The following DYNLT2 variants were observed in gnomAD, a reference collection of about 807,000 sequenced individuals.
DYNLT2 encodes the protein dynein light chain Tctex-type 2.
A neutral mutation model predicts 24.3 loss-of-function variants in DYNLT2; 24 were observed. The ratio of observed to expected loss-of-function variants is 0.99; its 90% confidence interval spans 0.71 to 1.39. The LOEUF (loss-of-function observed/expected upper bound fraction) is 1.39, where lower values mean the gene tolerates loss of function less well. DYNLT2 is among the 40% of genes most tolerant of loss of function. The pLI, the probability that DYNLT2 is intolerant of heterozygous loss-of-function variation, is 0.00. For synonymous variants in DYNLT2, 85 were observed against 85.4 expected (o/e 1.00, Z 0.03); for missense variants, 246 against 234.5 (o/e 1.05, Z -0.32).
At chr6:169,738,297 A>C (rs1170519960), downstream of DYNLT2, among the ~76,000 whole-genome samples, 3 of 152,220 alleles carry the variant, frequency 2.0e-5, no homozygotes. Context: ...CTTAGACATC[A>C]GGCAGCTGCA....
At chr6:169,739,316 G>A (rs1789626207), downstream of DYNLT2, among the ~76,000 whole-genome samples, 1 of 151,640 alleles carries the variant, frequency 6.6e-6, no homozygotes, top group South Asian at 2.1e-4. Flanking sequence ...CCATGTGCTG[G>A]GATTATAGGA....
chr6:169,740,106 T>A, downstream of DYNLT2: 1 of 922,410 alleles, frequency 1.1e-6, no homozygotes. Flanking sequence ...ATCAGAAATA[T>A]TATGAGGTTT....
the DYNLT2 span, among the ~76,000 whole-genome samples, chr6:169,730,420 G>A: frequency 6.6e-6 from 1 of 152,234 alleles, no homozygotes; most frequent in Non-Finnish European, 1.5e-5. Flanking sequence ...GGTCAAAGGG[G>A]TTACCTACGC....
chr6:169,740,332 G>T (rs1457857080), intron 3 of DYNLT2, 37 bp from the exon 4 acceptor site: 3 of 1,223,384 alleles, frequency 2.5e-6, no homozygotes, highest in South Asian at 1.2e-5. Flanking sequence ...ACTTTAGATT[G>T]AACATATTAA....
At chr6:169,742,534 T>C (rs536902694) in intron 3 of DYNLT2, among the ~76,000 whole-genome samples, 8 of 152,222 alleles carry the variant, frequency 5.3e-5, no homozygotes, top group Non-Finnish European at 1.0e-4. Flanking sequence ...ACTGTCAAAA[T>C]TGATATGATC....
the DYNLT2 span, among the ~76,000 whole-genome samples, chr6:169,730,401 T>G: frequency 2.0e-5 from 3 of 152,130 alleles, no homozygotes; most frequent in Non-Finnish European, 4.4e-5. Flanking sequence ...GAGCCAGAAT[T>G]TTTTTTAAGG....
At chr6:169,746,447 T>C (rs1246374804) in intron 1 of DYNLT2, among the ~76,000 whole-genome samples, 2 of 152,234 alleles carry the variant, frequency 1.3e-5, no homozygotes, top group Non-Finnish European at 2.9e-5. Context: ...GCTCAAAATA[T>C]TTTTTAAATT....
At position 169,751,543 on chromosome 6, in the gene DYNLT2, C is replaced by A; in HGVS notation, c.-85G>T. Reference sequence around the variant, plus strand: ...TAGCCAGTCCCGCGAGGGCGGAAGTCTCCCACCTGCGCCTCGTACGGTAGG... The same window carrying A: ...TAGCCAGTCCCGCGAGGGCGGAAGTATCCCACCTGCGCCTCGTACGGTAGG... On this transcript the variant is annotated 5_prime_UTR_variant, in exon 1 of 4. Transcript: ENST00000366774. 6 of 1,610,578 alleles carry A rather than the reference C, an allele frequency of 3.7e-6. No individual in the cohort carries two copies. Among genetic ancestry groups the A allele is most frequent in the Middle Eastern group, 1.7e-4 (1 of 6,026 alleles).
chr6:169,736,856 G>C (rs1161164383), downstream of DYNLT2, among the ~76,000 whole-genome samples: 2 of 151,152 alleles, frequency 1.3e-5, no homozygotes, highest in South Asian at 4.2e-4. Flanking sequence ...TTACATGTTG[G>C]CCTGTCTTCC....
chr6:169,736,767 C>A (rs1166801055), downstream of DYNLT2, among the ~76,000 whole-genome samples: 3 of 152,142 alleles, frequency 2.0e-5, no homozygotes, highest in Admixed American at 2.0e-4. Context: ...ATTTTAACTT[C>A]AGAGAATCTG....
In DYNLT2 at chr6:169,751,251, G is replaced by C. The variant is rs563269938; in HGVS notation, c.120+88C>G. The C allele has an allele frequency of 3.9e-6, 6 of 1,519,566 alleles. No individual in the cohort carries two copies. The East Asian group carries it at 1.2e-4, about 29-fold the overall frequency. 94.1% of individuals were successfully genotyped at this position (1,519,566 alleles called of 1,614,324 possible). ...ATGCTGCCTCCTTGGCTCTGGGGGT[G>C]GTGACGGGAGCGGGGCCCACTGGGG... On this transcript the variant is annotated intron_variant, in intron 1 of 3. Coordinates refer to ENST00000366774, the MANE Select transcript of DYNLT2 (RefSeq NM_174910.3).
chr6:169,731,224 C>G, the DYNLT2 span, among the ~76,000 whole-genome samples: 158 of 152,244 alleles, frequency 1.0e-3, no homozygotes, highest in African/African-American at 3.6e-3. Flanking sequence ...TTGCTAGGAT[C>G]TGAGATCTTT....
chr6:169,740,272 G>T lies in DYNLT2; in HGVS notation c.510C>A (p.Asp170Glu), dbSNP rs573633792. 6.2e-6 allele frequency: 10 copies of T among 1,613,712 alleles called. No homozygotes were observed. In the South Asian group the frequency reaches 1.1e-4, roughly 18 times the overall value. Reference protein sequence around the residue: ...AINIASRWIWDIAWDSWVAAK... With the variant: ...AINIASRWIWEIAWDSWVAAK... Reference sequence around the variant, plus strand: ...CTGCGACCCAGCTGTCCCATGCAATGTCCCAGATCCATCTGCTGGCAATCT... The same window carrying T: ...CTGCGACCCAGCTGTCCCATGCAATTTCCCAGATCCATCTGCTGGCAATCT... Residue 170 changes from aspartate (D) to glutamate (E), a missense_variant, in exon 4 of 4, where the codon GAC becomes GAA. Physicochemically the swap from Asp to Glu is conservative, Grantham distance 45 (BLOSUM62 2). Transcript: ENST00000366774.
At chr6:169,748,537 T>G (rs540878196) in intron 1 of DYNLT2, among the ~76,000 whole-genome samples, 2 of 152,318 alleles carry the variant, frequency 1.3e-5, no homozygotes, top group South Asian at 4.1e-4. Flanking sequence ...GTCCCTCACA[T>G]AAATAAATCT....
At chr6:169,739,452 T>A (rs1337352726), downstream of DYNLT2, among the ~76,000 whole-genome samples, 1 of 152,128 alleles carries the variant, frequency 6.6e-6, no homozygotes, top group Non-Finnish European at 1.5e-5. Context: ...CATGATTAAA[T>A]TCTGTCAAGC....
At chr6:169,733,039 T>G in the DYNLT2 span, among the ~76,000 whole-genome samples, 1 of 152,368 alleles carries the variant, frequency 6.6e-6, no homozygotes, top group South Asian at 2.1e-4. Context: ...TGATCAGTGA[T>G]GTTGAGCTTT....
intron 1 of DYNLT2, chr6:169,750,865 T>A (rs1789998878): frequency 6.6e-6 from 1 of 152,602 alleles, no homozygotes. Context: ...TCTTCAAATA[T>A]CCAGACTGCT....
rs777618747 is a variant in DYNLT2, at chr6:169,751,354, C to T, written c.105G>A (p.Met35Ile). 1 of 1,613,984 alleles carries T rather than the reference C, an allele frequency of 6.2e-7. No individual in the cohort carries two copies. Among genetic ancestry groups the T allele is most frequent in the Non-Finnish European group, 8.5e-7 (1 of 1,179,940 alleles). The change falls in exon 1 of 4, where the codon ATG becomes ATA. Residue 35 changes from methionine (M) to isoleucine (I), a missense_variant. Transcript: ENST00000366774. ...VTPRKERRPS[M>I]FEKEAYTQIL... ...CCGCACTCACTGCCTCCTTCTCGAA[C>T]ATGCTAGGCCTCCTTTCTTTCCTAG...
At chr6:169,739,257 G>A (rs1789625429), downstream of DYNLT2, among the ~76,000 whole-genome samples, 1 of 148,680 alleles carries the variant, frequency 6.7e-6, no homozygotes, top group Admixed American at 6.7e-5. Flanking sequence ...ATGTTGCTCA[G>A]GCTGGTCTCA....
Sources: gnomAD v4.1 joint callset for allele counts (sites outside exome capture counted in the v4.1 genomes callset) on GRCh38, gnomAD v4.1.1 for gene constraint, MANE v1.5 for transcripts, NCBI Gene and HGNC (gene_info 2026-07-23, HGNC 2026-07-21) for gene names.